The following HTR3C variants were observed in gnomAD, a reference collection of about 807,000 sequenced individuals.
The protein encoded by HTR3C is 5-hydroxytryptamine receptor 3C.
A neutral mutation model predicts 40.5 loss-of-function variants in HTR3C; 32 were observed. The observed-to-expected ratio is 0.79, with a 90% CI of 0.60 to 1.06. HTR3C has a LOEUF of 1.06. Ranked by LOEUF, HTR3C falls within the 50% of genes least tolerant of loss-of-function variation. The probability of loss-of-function intolerance (pLI) is 0.00; values close to 1 mark genes in which losing one functional copy is unlikely to be tolerated. For synonymous variants in HTR3C, 209 were observed against 217.1 expected (o/e 0.96, Z 0.33); for missense variants, 523 against 556.8 (o/e 0.94, Z 0.61).
intron 1 of HTR3C, among the ~76,000 whole-genome samples, chr3:184,053,713 A>T (rs114399260): frequency 6.6e-6 from 1 of 152,166 alleles, no homozygotes; most frequent in Non-Finnish European, 1.5e-5. Flanking sequence ...GCCATGGCCG[A>T]GAGACAATAT....
In HTR3C at chr3:184,060,533, G is replaced by A. The variant is rs997691765; in HGVS notation, c.*181G>A. The A allele has an allele frequency of 4.4e-5, 32 of 727,310 alleles. No individual in the cohort carries two copies. The highest frequency in any genetic ancestry group is 3.5e-4 in the African/African-American group (20 of 56,576). 45.1% of individuals were successfully genotyped at this position (727,310 alleles called of 1,614,324 possible). On this transcript the variant is annotated 3_prime_UTR_variant, in exon 9 of 9. Transcript: ENST00000318351. ...TCGGGACAGCCCTGGACGATTTCCC[G>A]ACCGCTGCTCAGGCTGCTCATTCCT... is the stretch of plus-strand genomic sequence containing the variant.
At position 184,059,856 on chromosome 3, in the gene HTR3C, G is replaced by A; in HGVS notation, c.954G>A (p.Leu318=). Residue 318 remains leucine, a synonymous_variant, in exon 8 of 9, where the codon CTG becomes CTA. Transcript: ENST00000318351. ...ISVYFALCLS[L]MVVSLLETVF... ...TCTACTTCGCCCTGTGCCTGTCCCT[G>A]ATGGTGGTCAGCCTGCTGGAGACCG... 6.2e-7 allele frequency: 1 copy of A among 1,613,992 alleles called. No homozygotes were observed. Among genetic ancestry groups the A allele is most frequent in the Non-Finnish European group, 8.5e-7 (1 of 1,179,994 alleles).
chr3:184,058,887 A>G (rs978194843), intron 6 of HTR3C, among the ~76,000 whole-genome samples: 2 of 152,044 alleles, frequency 1.3e-5, no homozygotes, highest in African/African-American at 4.8e-5. Context: ...AATCACTTGA[A>G]CCCAGGAGGC....
At chr3:184,055,680 C>G (rs929509424) in intron 3 of HTR3C, among the ~76,000 whole-genome samples, 6 of 150,652 alleles carry the variant, frequency 4.0e-5, no homozygotes, top group African/African-American at 1.5e-4. Flanking sequence ...TGCCACTGCA[C>G]CCCATCCTAG....
At position 184,056,945 on chromosome 3, in the gene HTR3C, AAGCCAATGAGGGTGACC is replaced by A. The variant is rs757126197; in HGVS notation, c.464_480del (p.Pro155HisfsTer3). On this transcript the variant is annotated frameshift_variant, in exon 5 of 9. Transcript: ENST00000318351. LOFTEE classifies it high-confidence loss of function. ...CAGTGAAGGTCGAATTAAGTATGAT[AAGCCAATGAGGGTGACC>A]AGCATCTGTAACCTGGACATCTTCT... is the stretch of plus-strand genomic sequence containing the variant. 1.6e-5 allele frequency: 26 copies of A among 1,613,684 alleles called. No individual in the cohort carries two copies. The highest frequency in any genetic ancestry group is 2.2e-5 in the Non-Finnish European group (26 of 1,179,774).
chr3:184,056,095 T>G, intron 3 of HTR3C, 82 bp from the exon 4 acceptor site: 1 of 861,332 alleles, frequency 1.2e-6, no homozygotes, highest in Non-Finnish European at 2.0e-6. Flanking sequence ...GATCAAGGTT[T>G]AAAGAAGAAT....
chr3:184,060,323 C>T lies in HTR3C; in HGVS notation c.1315C>T (p.Leu439Phe), dbSNP rs1452828121. 3 of 1,614,216 alleles carry T rather than the reference C, an allele frequency of 1.9e-6. No individual in the cohort carries two copies. The highest frequency in any genetic ancestry group is 1.6e-4 in the Middle Eastern group (1 of 6,062). ...LYLLFMASSI[L>F]TVIVLWNT ...CCTGCTCTTCATGGCCTCCTCCATC[C>T]TTACTGTCATTGTCCTCTGGAACAC... Residue 439 changes from leucine to phenylalanine, a missense_variant, in exon 9 of 9, where the codon CTT becomes TTT. Physicochemically the swap from Leu to Phe is conservative, Grantham distance 22 (BLOSUM62 0). Transcript: ENST00000318351.
chr3:184,058,394 C>G, intron 5 of HTR3C, 33 bp from the exon 6 acceptor site: 1 of 1,538,454 alleles, frequency 6.5e-7, no homozygotes, highest in Non-Finnish European at 8.7e-7. Flanking sequence ...CTTGGGAAAA[C>G]GTCTGCAATG....
chr3:184,055,120 G>GA (rs1398471639), intron 2 of HTR3C, among the ~76,000 whole-genome samples, 192 bp from the exon 3 acceptor site: 1 of 152,108 alleles, frequency 6.6e-6, no homozygotes, highest in Non-Finnish European at 1.5e-5. Flanking sequence ...GAATGCTCTA[G>GA]AAAAAAGTAG....
Position 184,058,559 on chromosome 3 carries a change from A to T in HTR3C, c.692A>T (p.Asn231Ile). ...NKATPKMSMG[N>I]NLYDQIMFYV... The stretch of plus-strand genomic sequence containing the variant: ...GCCACCCCAAAGATGTCCATGGGCA[A>T]CAACCTATATGACCAGATCATGTTT... The change falls in exon 6 of 9, where the codon AAC (asparagine) becomes ATC (isoleucine). Residue 231 changes from asparagine (N) to isoleucine (I), a missense_variant. Transcript: ENST00000318351. 3.1e-6 allele frequency: 5 copies of T among 1,613,392 alleles called. No individual in the cohort carries two copies. Among genetic ancestry groups the T allele is most frequent in the Non-Finnish European group, 4.2e-6 (5 of 1,179,724 alleles).
chr3:184,060,201 C>G lies in HTR3C; in HGVS notation c.1193C>G (p.Thr398Ser). ...LAGKKLGPRE[T>S]EPDGGSGWTK... ...GGGAAGAAGCTGGGACCCAGAGAGA[C>G]CGAGCCAGATGGGGGCTCAGGATGG... Residue 398 changes from threonine to serine, a missense_variant, in exon 9 of 9, where the codon ACC (threonine) becomes AGC (serine). Coordinates refer to ENST00000318351, the MANE Select transcript of HTR3C (RefSeq NM_130770.3). The G allele has an allele frequency of 6.2e-7, 1 of 1,614,162 alleles. No individual in the cohort carries two copies. The highest frequency in any genetic ancestry group is 8.5e-7 in the Non-Finnish European group (1 of 1,180,006).
chr3:184,058,659 T>A, intron 6 of HTR3C, 72 bp downstream of exon 6: 1 of 1,535,032 alleles, frequency 6.5e-7, no homozygotes, highest in South Asian at 1.3e-5. Context: ...CTATGGCTCT[T>A]TGGGAAGCAA....
At chr3:184,054,286 C>G (rs1410913789) in intron 1 of HTR3C, among the ~76,000 whole-genome samples, 1 of 152,136 alleles carries the variant, frequency 6.6e-6, no homozygotes, top group African/African-American at 2.4e-5. Flanking sequence ...TCAGTTCTTG[C>G]CTTCAGTAGA....
rs1428055914 is a variant in HTR3C, at chr3:184,059,568, C to A, written c.853C>A (p.Leu285Ile). ...GAATCGTGCCCCATTCAAGATAACA[C>A]TTCTGCTGGGCTACAACGTCTTCCT... Reference protein sequence around the residue: ...SENRAPFKITLLLGYNVFLLM... With the variant: ...SENRAPFKITILLGYNVFLLM... Residue 285 changes from leucine (L) to isoleucine (I), a missense_variant, in exon 7 of 9, where the codon CTT (leucine) becomes ATT (isoleucine). Transcript: ENST00000318351. 6.2e-6 allele frequency: 10 copies of A among 1,614,024 alleles called. No homozygotes were observed. The highest frequency in any genetic ancestry group is 8.5e-6 in the Non-Finnish European group (10 of 1,180,030).
chr3:184,059,922 C>A lies in HTR3C; in HGVS notation c.1020C>A (p.Pro340=), dbSNP rs1199779866. ...TGCTGCACGTGGCCACCACCCAGCCCCCACCCATGCCTAGGTGGCTTCACT... is the reference window on the plus strand; with the variant it reads ...TGCTGCACGTGGCCACCACCCAGCCACCACCCATGCCTAGGTGGCTTCACT... The part of the protein sequence containing the change: ...TYLLHVATTQ[P]PPMPRWLHSL... Residue 340 remains proline (P), a synonymous_variant, in exon 8 of 9, where the codon CCC becomes CCA. Transcript: ENST00000318351. 2 of 1,613,916 alleles carry A rather than the reference C, an allele frequency of 1.2e-6. No homozygotes were observed. Among genetic ancestry groups the A allele is most frequent in the East Asian group, 2.2e-5 (1 of 44,878 alleles).
intron 6 of HTR3C, among the ~76,000 whole-genome samples, chr3:184,058,962 C>T (rs916284544): frequency 2.0e-5 from 3 of 152,018 alleles, no homozygotes; most frequent in East Asian, 1.9e-4. Context: ...AATAAGACTC[C>T]GTCTCAAAAA....
rs1410197993 is a variant in HTR3C, at chr3:184,059,474, C to A, written c.759C>A (p.Asn253Lys). The change falls in exon 7 of 9, where the codon AAC (asparagine) becomes AAA (lysine). Residue 253 changes from asparagine to lysine, a missense_variant. Transcript: ENST00000318351. The stretch of plus-strand genomic sequence containing the variant: ...GCAGGCCAAGCCTCTACATCATAAA[C>A]CTGCTGGTGCCCAGTAGCTTTCTGG... ...IRRRPSLYII[N>K]LLVPSSFLVA... is the part of the protein sequence containing the mutation. The A allele has an allele frequency of 6.2e-7, 1 of 1,614,226 alleles. No homozygotes were observed. The highest frequency in any genetic ancestry group is 1.3e-5 in the African/African-American group (1 of 75,062).
At chr3:184,058,154 C>T (rs1227474425) in intron 5 of HTR3C, among the ~76,000 whole-genome samples, 3 of 152,168 alleles carry the variant, frequency 2.0e-5, no homozygotes, top group African/African-American at 4.8e-5. Context: ...ATAGGAATGA[C>T]TCCAAAAGTT....
At chr3:184,058,352 T>A in intron 5 of HTR3C, 75 bp from the exon 6 acceptor site, 2 of 1,445,670 alleles carry the variant, frequency 1.4e-6, no homozygotes, top group Non-Finnish European at 1.8e-6. Flanking sequence ...AGAAGCTCAG[T>A]GGGGGAGGAC....
Sources: gnomAD v4.1 joint callset for allele counts (sites outside exome capture counted in the v4.1 genomes callset) on GRCh38, gnomAD v4.1.1 for gene constraint, MANE v1.5 for transcripts, NCBI Gene and HGNC (gene_info 2026-07-23, HGNC 2026-07-21) for gene names.